ANO3: variants seen among roughly 807,000 people sequenced by gnomAD.
ANO3 encodes the protein anoctamin 3, also known as anoctamin-3.
ANO3 carries 99 observed loss-of-function variants against 144.8 expected under a neutral mutation model. The observed-to-expected ratio is 0.68, with a 90% confidence interval of 0.58 to 0.81. ANO3 has a LOEUF of 0.81. Among genes scored for constraint, ANO3 ranks in the 30% least tolerant of loss-of-function variants. ANO3 has a pLI of 0.00. For synonymous variants in ANO3, 414 were observed against 392.6 expected (o/e 1.05, Z -0.64); for missense variants, 905 against 1,202.2 (o/e 0.75, Z 3.66).
intron 1 of ANO3, among the ~76,000 whole-genome samples, chr11:26,326,605 C>A (rs1854890000): frequency 6.6e-6 from 1 of 152,142 alleles, no homozygotes; most frequent in Non-Finnish European, 1.5e-5. Context: ...CAAATAGAGA[C>A]CACACTGTTC....
intron 1 of ANO3, among the ~76,000 whole-genome samples, chr11:26,423,725 T>C (rs934024709): frequency 6.6e-5 from 10 of 151,994 alleles, no homozygotes; most frequent in African/African-American, 2.4e-4. Flanking sequence ...AGCTCCATGG[T>C]TTCTATATTC....
chr11:26,419,814 G>A (rs1857699868), intron 1 of ANO3, among the ~76,000 whole-genome samples: 2 of 152,022 alleles, frequency 1.3e-5, no homozygotes, highest in South Asian at 4.1e-4. Context: ...TGGTGAGGAA[G>A]GTTTTAACTA....
chr11:26,595,460 G>GTTGTTTTTTTTT (rs1301892343), intron 14 of ANO3, among the ~76,000 whole-genome samples: 3 of 101,384 alleles, frequency 3.0e-5, no homozygotes, highest in African/African-American at 1.3e-4. Flanking sequence ...AGATAGAGTT[G>GTTGTTTTTTTTT]TTTTTTTTTT....
At chr11:26,629,266 A>G (rs1852692458) in intron 18 of ANO3, among the ~76,000 whole-genome samples, 1 of 152,128 alleles carries the variant, frequency 6.6e-6, no homozygotes, top group Non-Finnish European at 1.5e-5. Flanking sequence ...TTCTCCCAGT[A>G]AAATCATAGT....
intron 1 of ANO3, among the ~76,000 whole-genome samples, chr11:26,340,209 C>T (rs1261717040): frequency 6.6e-6 from 1 of 152,176 alleles, no homozygotes; most frequent in Non-Finnish European, 1.5e-5. Flanking sequence ...AGTAAAATGT[C>T]AAATGCTATT....
At chr11:26,294,687 C>CAGAAAGACAGAA (rs1854045570) in intron 1 of ANO3, among the ~76,000 whole-genome samples, 1 of 152,172 alleles carries the variant, frequency 6.6e-6, no homozygotes, top group Non-Finnish European at 1.5e-5. Flanking sequence ...GCCCCTCACT[C>CAGAAAGACAGAA]AGAAAGACTG....
chr11:26,525,330 A>G (rs755974058), intron 6 of ANO3, among the ~76,000 whole-genome samples: 3 of 152,072 alleles, frequency 2.0e-5, no homozygotes, highest in Non-Finnish European at 4.4e-5. Flanking sequence ...AAATAATTCA[A>G]TTAGTATAAA....
intron 1 of ANO3, among the ~76,000 whole-genome samples, chr11:26,346,762 T>A (rs990716563): frequency 4.6e-5 from 7 of 152,190 alleles, no homozygotes; most frequent in African/African-American, 1.4e-4. Flanking sequence ...CTGAGGAAGA[T>A]CCGCTTACAT....
intron 4 of ANO3, among the ~76,000 whole-genome samples, chr11:26,487,499 G>A (rs12794359): frequency 0.062 from 9,362 of 152,164 alleles, 337 homozygotes; most frequent in Middle Eastern, 0.12. Context: ...AAAAATATCC[G>A]AAAATGTGGA....
At chr11:26,605,288 G>GT (rs928311710) in intron 17 of ANO3, among the ~76,000 whole-genome samples, 15 of 152,280 alleles carry the variant, frequency 9.9e-5, no homozygotes, top group African/African-American at 3.6e-4. Flanking sequence ...TGGTGGATAA[G>GT]TTTTTTGATG....
intron 1 of ANO3, among the ~76,000 whole-genome samples, chr11:26,389,376 A>G (rs1005704531): frequency 3.3e-5 from 5 of 152,090 alleles, no homozygotes; most frequent in African/African-American, 7.2e-5. Context: ...TACCTACCTT[A>G]TAAGAATTTT....
At chr11:26,377,270 A>C (rs2133945541) in intron 1 of ANO3, among the ~76,000 whole-genome samples, 1 of 152,320 alleles carries the variant, frequency 6.6e-6, no homozygotes, top group Non-Finnish European at 1.5e-5. Flanking sequence ...AAAGTTGCCA[A>C]AAGACTTCAG....
intron 1 of ANO3, among the ~76,000 whole-genome samples, chr11:26,356,720 G>A (rs1209757650): frequency 6.6e-6 from 1 of 152,120 alleles, no homozygotes; most frequent in Non-Finnish European, 1.5e-5. Context: ...AATTTCACTT[G>A]GTTAAAGTCA....
chr11:26,478,979 G>A (rs1027626509), intron 4 of ANO3, among the ~76,000 whole-genome samples: 2 of 152,186 alleles, frequency 1.3e-5, no homozygotes, highest in African/African-American at 4.8e-5. Context: ...CTTAAATAAA[G>A]TCTGTCAAGT....
At chr11:26,214,659 A>G (rs2133786356) in intron 1 of ANO3, among the ~76,000 whole-genome samples, 1 of 152,110 alleles carries the variant, frequency 6.6e-6, no homozygotes. Context: ...AAATAGTACA[A>G]AGAATCACCA....
At position 26,508,126 on chromosome 11, in the gene ANO3, C is replaced by T. The variant is rs1861508465; in HGVS notation, c.455C>T (p.Ser152Phe). Residue 152 changes from serine to phenylalanine, a missense_variant, in exon 5 of 27, where the codon TCC becomes TTC. Coordinates refer to ENST00000256737, the MANE Select transcript of ANO3 (RefSeq NM_031418.4). ...LSKNDMNYIA[S>F]SGPLFKDGKK... ...CAGAATGACATGAATTACATAGCAT[C>T]CAGTGGACCTCTGTTCAAAGATGGC... 6 of 1,591,018 alleles carry T rather than the reference C, an allele frequency of 3.8e-6. No homozygotes were observed. Among genetic ancestry groups the T allele is most frequent in the Non-Finnish European group, 4.3e-6 (5 of 1,172,628 alleles).
chr11:26,615,017 T>C (rs1434139380), intron 17 of ANO3, among the ~76,000 whole-genome samples: 1 of 151,650 alleles, frequency 6.6e-6, no homozygotes, highest in Non-Finnish European at 1.5e-5. Context: ...ATTTATATTA[T>C]ATTCTATAAA....
chr11:26,283,884 T>C (rs1853741039), intron 1 of ANO3, among the ~76,000 whole-genome samples: 1 of 151,940 alleles, frequency 6.6e-6, no homozygotes, highest in Non-Finnish European at 1.5e-5. Context: ...GAGACCAAAT[T>C]TAGATAGAGA....
intron 4 of ANO3, among the ~76,000 whole-genome samples, chr11:26,497,943 C>T (rs1017361060): frequency 2.0e-5 from 3 of 151,766 alleles, no homozygotes; most frequent in African/African-American, 7.3e-5. Context: ...TTTGTATTTC[C>T]ATGTGATCAT....
Sources: gnomAD v4.1 joint callset for allele counts (sites outside exome capture counted in the v4.1 genomes callset) on GRCh38, gnomAD v4.1.1 for gene constraint, MANE v1.5 for transcripts, NCBI Gene and HGNC (gene_info 2026-07-23, HGNC 2026-07-21) for gene names.